The following RUBCNL variants were observed in gnomAD, a reference collection of about 807,000 sequenced individuals.
RUBCNL encodes protein associated with UVRAG as autophagy enhancer.
RUBCNL carries 62 observed loss-of-function variants against 69.5 expected under a neutral mutation model. The observed-to-expected ratio is 0.89, with a 90% CI of 0.73 to 1.10. The LOEUF (loss-of-function observed/expected upper bound fraction) is 1.10, where lower values mean the gene tolerates loss of function less well. RUBCNL is among the 50% of genes least tolerant of loss of function. The pLI is 0.00. For synonymous variants in RUBCNL, 291 were observed against 303.6 expected, an observed-to-expected ratio of 0.96 and a Z score of 0.43; for missense variants, 768 against 798.1, an observed-to-expected ratio of 0.96 and a Z score of 0.45.
chr13:46,350,041 A>T, intron 11 of RUBCNL, 72 bp downstream of exon 11: 2 of 1,170,984 alleles, frequency 1.7e-6, no homozygotes, highest in South Asian at 2.9e-5. Context: ...GGGTTCCCCA[A>T]GCTAGTGTGA....
In RUBCNL at chr13:46,361,593, A is replaced by G; in HGVS notation, c.987-20T>C. 1 of 1,571,878 alleles carries G rather than the reference A, an allele frequency of 6.4e-7. No homozygotes were observed. The highest frequency in any genetic ancestry group is 8.6e-7 in the Non-Finnish European group (1 of 1,157,744). On this transcript the variant is annotated intron_variant, in intron 7 of 14. Transcript: ENST00000429979. ...GTGACACTGAAATGTAAGAGATGCA[A>G]ATACTGGAAAACTATATTCATGAGG...
chr13:46,386,982 A>C (rs1594193723), intron 1 of RUBCNL, among the ~76,000 whole-genome samples, 152 bp downstream of exon 1: 1 of 151,908 alleles, frequency 6.6e-6, no homozygotes, highest in African/African-American at 2.4e-5. Context: ...GCTCTGAGCG[A>C]CCCTAAGATA....
At chr13:46,379,265 A>G (rs1313164967) in intron 1 of RUBCNL, among the ~76,000 whole-genome samples, 3 of 152,094 alleles carry the variant, frequency 2.0e-5, no homozygotes, top group African/African-American at 7.2e-5. Flanking sequence ...CTGTAGAGAC[A>G]GGGTTTCACC....
At chr13:46,365,810 C>T (rs1486132317) in intron 5 of RUBCNL, among the ~76,000 whole-genome samples, 1 of 152,118 alleles carries the variant, frequency 6.6e-6, no homozygotes, top group Non-Finnish European at 1.5e-5. Context: ...GGCAAAAGCT[C>T]AGCAAGCCAT....
chr13:46,387,469 A>G (rs2049278842), upstream of RUBCNL: 2 of 985,272 alleles, frequency 2.0e-6, no homozygotes, highest in Admixed American at 6.1e-5. Context: ...CCACGCACCT[A>G]TGCGCGCCTC....
intron 8 of RUBCNL, among the ~76,000 whole-genome samples, chr13:46,361,229 A>C (rs1206606249): frequency 3.9e-5 from 6 of 152,208 alleles, no homozygotes; most frequent in Non-Finnish European, 8.8e-5. Context: ...CGTCTCAAAA[A>C]AATTAATAAA....
intron 1 of RUBCNL, among the ~76,000 whole-genome samples, chr13:46,380,668 T>C (rs911248645): frequency 9.2e-5 from 14 of 152,328 alleles, no homozygotes; most frequent in African/African-American, 3.1e-4. Flanking sequence ...TTCATACTTG[T>C]ATAAAAAAAC....
rs1196449399 is a variant in RUBCNL at position 46,339,674 on chromosome 13, C to T, written c.*3711G>A. On this transcript the variant is annotated 3_prime_UTR_variant, in exon 15 of 15. Transcript: ENST00000429979. The stretch of plus-strand genomic sequence containing the variant: ...AGGGGTTAGAGACCAGCCTTGCCAA[C>T]ATGGTGAAAACCCGTCTCTACTAAA... 2.6e-5 allele frequency among the ~76,000 whole-genome samples: 4 copies of T among 152,130 alleles called. No homozygotes were observed. The highest frequency in any genetic ancestry group is 9.7e-5 in the African/African-American group (4 of 41,428).
chr13:46,370,977 T>C (rs2048864209), intron 3 of RUBCNL, among the ~76,000 whole-genome samples: 1 of 151,282 alleles, frequency 6.6e-6, no homozygotes, highest in African/African-American at 2.4e-5. Context: ...TTGGTCCTTA[T>C]CTCAAAATTA....
chr13:46,379,010 C>T (rs1023009178), intron 1 of RUBCNL, among the ~76,000 whole-genome samples: 3 of 152,218 alleles, frequency 2.0e-5, no homozygotes, highest in Non-Finnish European at 4.4e-5. Flanking sequence ...CTATTTCTCT[C>T]TTTAGCACAA....
chr13:46,387,280 A>G, upstream of RUBCNL: 1 of 985,384 alleles, frequency 1.0e-6, no homozygotes, highest in Non-Finnish European at 1.2e-6. Flanking sequence ...AGGAGGGGAC[A>G]GCGACGCCCC....
intron 7 of RUBCNL, among the ~76,000 whole-genome samples, chr13:46,361,900 A>T (rs542813041): frequency 2.6e-5 from 4 of 152,228 alleles, no homozygotes; most frequent in Non-Finnish European, 4.4e-5. Flanking sequence ...ATGAGTCTCA[A>T]TTTTTATGTC....
rs145892274 is a variant in RUBCNL, at chr13:46,369,318, G to A, written c.536-503C>T. Among the ~76,000 whole-genome samples the A allele has an allele frequency of 1.5e-3, 225 of 152,166 alleles. 1 individual carries two copies. Among genetic ancestry groups the A allele is most frequent in the African/African-American group, 4.5e-3 (188 of 41,512 alleles). ...CGGCTTCAACCTCCTGGGCTCAAGC[G>A]ATTCTTCTACCTCAGCCTCCCTAGC... On this transcript the variant is annotated intron_variant, in intron 3 of 14. Transcript: ENST00000429979.
In RUBCNL at chr13:46,335,944, C is replaced by T. The variant is rs1176741560; in HGVS notation, c.*7441G>A. ...TCAAAGCTATTTCACTGGATAAGAC[C>T]ATCCCAAGAGAAGAAAAGAGATGGC... On this transcript the variant is annotated 3_prime_UTR_variant, in exon 15 of 15. Coordinates refer to ENST00000429979, the MANE Select transcript of RUBCNL (RefSeq NM_025113.5). 6.6e-6 allele frequency among the ~76,000 whole-genome samples: 1 copy of T among 152,172 alleles called. No individual in the cohort carries two copies. The highest frequency in any genetic ancestry group is 1.5e-5 in the Non-Finnish European group (1 of 68,032).
chr13:46,370,389 G>A (rs1005362823), intron 3 of RUBCNL, among the ~76,000 whole-genome samples: 8 of 152,120 alleles, frequency 5.3e-5, no homozygotes, highest in South Asian at 2.1e-4. Context: ...CCCTTTTGCC[G>A]CCATCTGAGA....
chr13:46,358,370 T>C (rs2048536602), intron 9 of RUBCNL, among the ~76,000 whole-genome samples: 1 of 152,248 alleles, frequency 6.6e-6, no homozygotes, highest in Non-Finnish European at 1.5e-5. Context: ...TTATACTTGG[T>C]TAAAATGTTT....
chr13:46,372,518 A>C lies in RUBCNL; in HGVS notation c.-43T>G. ...TGGTGTGAATCCATTCAAAACAGAT[A>C]GGAGTTCCCTGATTGCTGGTACTAC... is the stretch of plus-strand genomic sequence containing the variant. On this transcript the variant is annotated 5_prime_UTR_variant, in exon 3 of 15. Transcript: ENST00000429979. 3.2e-6 allele frequency: 5 copies of C among 1,544,450 alleles called. No homozygotes were observed. Among genetic ancestry groups the C allele is most frequent in the Non-Finnish European group, 4.4e-6 (5 of 1,142,308 alleles).
At position 46,377,902 on chromosome 13, in the gene RUBCNL, T is replaced by C. The variant is rs2049031555; in HGVS notation, c.-135A>G. The C allele has an allele frequency of 1.2e-6, 2 of 1,606,154 alleles. No homozygotes were observed. Among genetic ancestry groups the C allele is most frequent in the Admixed American group, 1.7e-5 (1 of 59,548 alleles). ...GTCGGACACTCACCAGGAGTATGAA[T>C]TTCTCGAAGAGGCAGATTGACACAG... On this transcript the variant is annotated 5_prime_UTR_variant, in exon 2 of 15. Transcript: ENST00000429979.
In RUBCNL at chr13:46,348,755, C is replaced by T. The variant is rs553604162; in HGVS notation, c.1631+531G>A. ...AGTAGCTGGGACTACAGGCATGCAGCACCACGCCTAGCTAATTTTTGTAAT... is the reference window on the plus strand; with the variant it reads ...AGTAGCTGGGACTACAGGCATGCAGTACCACGCCTAGCTAATTTTTGTAAT... On this transcript the variant is annotated intron_variant, in intron 12 of 14. Coordinates refer to ENST00000429979, the MANE Select transcript of RUBCNL (RefSeq NM_025113.5). Among the ~76,000 whole-genome samples the T allele has an allele frequency of 3.9e-5, 6 of 152,168 alleles. 1 individual carries two copies. The highest frequency in any genetic ancestry group is 1.2e-4 in the African/African-American group (5 of 41,516).
Sources: gnomAD v4.1 joint callset for allele counts (sites outside exome capture counted in the v4.1 genomes callset) on GRCh38, gnomAD v4.1.1 for gene constraint, MANE v1.5 for transcripts, NCBI Gene and HGNC (gene_info 2026-07-23, HGNC 2026-07-21) for gene names.